The following ASH2L variants were observed in gnomAD, a reference collection of about 807,000 sequenced individuals.
ASH2L encodes the protein set1/Ash2 histone methyltransferase complex subunit ASH2.
In ASH2L, 30 loss-of-function variants were observed where a neutral mutation model predicts 81.1. The observed-to-expected ratio is 0.37, with a 90% confidence interval of 0.28 to 0.50. The LOEUF (loss-of-function observed/expected upper bound fraction) is 0.50. Ranked by LOEUF, ASH2L falls within the 20% of genes least tolerant of loss-of-function variation. ASH2L has a pLI of 0.95. For missense variants in ASH2L, 559 were observed against 792.1 expected (o/e 0.71, Z 3.53); for synonymous variants, 273 against 279.9 (o/e 0.98, Z 0.24).
At chr8:38,131,304 G>GT (rs527757615) in intron 12 of ASH2L, among the ~76,000 whole-genome samples, 1 of 151,402 alleles carries the variant, frequency 6.6e-6, no homozygotes, top group African/African-American at 2.4e-5. Flanking sequence ...TTCTGTAGGT[G>GT]TTTTTTCAAT....
intron 10 of ASH2L, among the ~76,000 whole-genome samples, chr8:38,127,742 CAAAAAAA>C (rs780876575): frequency 2.9e-5 from 2 of 67,976 alleles, no homozygotes; most frequent in Non-Finnish European, 5.9e-5. Context: ...GACTCTGTCT[CAAAAAAA>C]AAAAAAAAAA....
intron 3 of ASH2L, among the ~76,000 whole-genome samples, chr8:38,107,633 C>G (rs1045615309): frequency 2.0e-5 from 3 of 152,094 alleles, no homozygotes; most frequent in African/African-American, 4.8e-5. Context: ...CTCTCCTCAG[C>G]AAACCTATTT....
At chr8:38,110,713 T>G in intron 4 of ASH2L, 26 bp from the exon 5 acceptor site, 1 of 1,575,914 alleles carries the variant, frequency 6.3e-7, no homozygotes, top group Non-Finnish European at 8.7e-7. Flanking sequence ...TACAGATAAC[T>G]GTTTCTTCCT....
At chr8:38,121,429 T>C (rs1385727635) in intron 10 of ASH2L, among the ~76,000 whole-genome samples, 2 of 147,102 alleles carry the variant, frequency 1.4e-5, no homozygotes, top group Non-Finnish European at 3.0e-5. Flanking sequence ...GCAGTAAAGT[T>C]GCCAAAAATA....
At chr8:38,138,520 C>T (rs899641899) in intron 14 of ASH2L, 1 of 325,074 alleles carries the variant, frequency 3.1e-6, no homozygotes, top group Non-Finnish European at 5.6e-6. Flanking sequence ...AAGGCAGTTT[C>T]TTGCATGACT....
At chr8:38,125,204 A>C (rs973435254) in intron 10 of ASH2L, among the ~76,000 whole-genome samples, 9 of 152,188 alleles carry the variant, frequency 5.9e-5, no homozygotes, top group Non-Finnish European at 8.8e-5. Context: ...CTTTTCACCC[A>C]GATTTTAACA....
In ASH2L at chr8:38,121,907, T is replaced by C. The variant is rs1178107542; in HGVS notation, c.1165+758T>C. Among the ~76,000 whole-genome samples, 9 of 152,350 alleles carry C rather than the reference T, an allele frequency of 5.9e-5. No individual in the cohort carries two copies. In the South Asian group the frequency reaches 1.4e-3, roughly 25 times the overall value. ...AAAAACTACCGTCTTTCCCTTATAC[T>C]TAACAAATGTCTTAGGCAAAAATAC... On this transcript the variant is annotated intron_variant, in intron 10 of 15. Coordinates refer to ENST00000343823, the MANE Select transcript of ASH2L (RefSeq NM_004674.5).
intron 8 of ASH2L, 164 bp from the exon 9 acceptor site, chr8:38,119,106 T>C: frequency 1.6e-6 from 1 of 621,130 alleles, no homozygotes; most frequent in Non-Finnish European, 2.8e-6. Context: ...AGATGCTCAG[T>C]AGATTCTTTG....
intron 5 of ASH2L, among the ~76,000 whole-genome samples, chr8:38,113,662 T>A (rs968697501): frequency 1.3e-5 from 2 of 152,152 alleles, no homozygotes; most frequent in Admixed American, 6.5e-5. Flanking sequence ...GGTGTAAAAA[T>A]TGTGAGAGAA....
intron 3 of ASH2L, among the ~76,000 whole-genome samples, chr8:38,108,961 A>G (rs1336441703): frequency 6.6e-6 from 1 of 152,176 alleles, no homozygotes; most frequent in Non-Finnish European, 1.5e-5. Flanking sequence ...TCACATCTGT[A>G]GTACCAGCTA....
rs1810668293 is a variant in ASH2L, at chr8:38,111,254, G to T, written c.585+421G>T. Among the ~76,000 whole-genome samples the T allele has an allele frequency of 2.0e-5, 3 of 151,912 alleles. No individual in the cohort carries two copies. The South Asian group carries it at 6.2e-4, about 32-fold the overall frequency. On this transcript the variant is annotated intron_variant, in intron 5 of 15. Transcript: ENST00000343823. ...ACTGTTGTGTTTTTTTTGAGAGAGGGTCTCTGTCACCCAGGCTGGAGTGCA... is the reference window on the plus strand; with the variant it reads ...ACTGTTGTGTTTTTTTTGAGAGAGGTTCTCTGTCACCCAGGCTGGAGTGCA...
intron 8 of ASH2L, chr8:38,117,423 A>G (rs1563253583): frequency 1.0e-6 from 1 of 984,936 alleles, no homozygotes; most frequent in East Asian, 1.1e-4. Flanking sequence ...AAATTTGACA[A>G]ATACATGGTG....
At chr8:38,127,971 G>A (rs531277502) in intron 10 of ASH2L, among the ~76,000 whole-genome samples, 82 of 152,038 alleles carry the variant, frequency 5.4e-4, no homozygotes, top group African/African-American at 1.7e-3. Context: ...GCTTGAACCC[G>A]GGAGGTGGAG....
intron 10 of ASH2L, among the ~76,000 whole-genome samples, chr8:38,123,829 A>G (rs2517391): frequency 0.9 from 137,508 of 152,186 alleles, 62,781 homozygotes; most frequent in Non-Finnish European, 0.99. Flanking sequence ...ATATTCTTTT[A>G]TCTCCCTTTT....
chr8:38,122,757 T>C (rs1302026705), intron 10 of ASH2L, among the ~76,000 whole-genome samples: 3 of 152,212 alleles, frequency 2.0e-5, no homozygotes, highest in Admixed American at 6.5e-5. Context: ...TCAATATATT[T>C]ATTTTGTTAT....
At chr8:38,138,238 T>C (rs982515386) in intron 14 of ASH2L, 1 of 152,822 alleles carries the variant, frequency 6.5e-6, no homozygotes, top group African/African-American at 2.4e-5. Context: ...CGTGATCGCA[T>C]TGTTGCGCTG....
intron 9 of ASH2L, among the ~76,000 whole-genome samples, chr8:38,120,056 C>G (rs1811072570): frequency 6.6e-6 from 1 of 152,146 alleles, no homozygotes; most frequent in Non-Finnish European, 1.5e-5. Flanking sequence ...ACCCAGGAGG[C>G]AGAGGTTGTA....
chr8:38,111,304 G>A (rs529929548), intron 5 of ASH2L, among the ~76,000 whole-genome samples: 4 of 152,272 alleles, frequency 2.6e-5, no homozygotes, highest in African/African-American at 4.8e-5. Flanking sequence ...GCTCACTGCA[G>A]CCTTGACCTC....
chr8:38,114,587 TA>T lies in ASH2L; in HGVS notation c.681+309del, dbSNP rs1284447764. On this transcript the variant is annotated intron_variant, in intron 6 of 15. Coordinates refer to ENST00000343823, the MANE Select transcript of ASH2L (RefSeq NM_004674.5). ...TTAGAGACCATTTCTTTTCTTCTAT[TA>T]AAAAAAAAGTTATAGGCAATATTGT... is the stretch of plus-strand genomic sequence containing the variant. 5.3e-5 allele frequency among the ~76,000 whole-genome samples: 8 copies of T among 151,236 alleles called. No homozygotes were observed. In the East Asian group the frequency reaches 1.3e-3, roughly 26 times the overall value.
Sources: allele counts gnomAD v4.1 joint callset (sites outside exome capture counted in the v4.1 genomes callset), GRCh38; gene constraint gnomAD v4.1.1; transcripts MANE v1.5; gene names NCBI Gene and HGNC (gene_info 2026-07-23, HGNC 2026-07-21).